Variants in KDSR observed in about 807,000 individuals in gnomAD.
KDSR encodes 3-dehydrosphinganine reductase.
KDSR carries 23 observed loss-of-function variants against 41.3 expected under a neutral mutation model. The observed-to-expected ratio is 0.56, with a 90% CI of 0.40 to 0.79. KDSR has a LOEUF of 0.79. Ranked by LOEUF, KDSR falls within the 30% of genes least tolerant of loss-of-function variation. KDSR has a pLI of 0.00. For missense variants in KDSR, 351 were observed against 416.8 expected, an observed-to-expected ratio of 0.84 and a Z score of 1.37; for synonymous variants, 138 against 151.7, an observed-to-expected ratio of 0.91 and a Z score of 0.66.
chr18:63,357,344 GA>G (rs1914824329), intron 3 of KDSR, among the ~76,000 whole-genome samples: 1 of 151,812 alleles, frequency 6.6e-6, no homozygotes, highest in Non-Finnish European at 1.5e-5. Context: ...AGAGAATACT[GA>G]AAGCTTTTCT....
intron 7 of KDSR, among the ~76,000 whole-genome samples, chr18:63,339,879 G>A (rs1432157631): frequency 1.3e-5 from 2 of 152,184 alleles, no homozygotes; most frequent in Non-Finnish European, 2.9e-5. Flanking sequence ...TACCACGTAA[G>A]CTTGAAGGAA....
intron 2 of KDSR, among the ~76,000 whole-genome samples, chr18:63,360,868 A>G (rs1914942121): frequency 7.0e-6 from 1 of 143,702 alleles, no homozygotes; most frequent in Non-Finnish European, 1.5e-5. Context: ...TGGGTGACAC[A>G]GTGAGGCCGG....
At chr18:63,364,253 G>A (rs1449072739) in intron 1 of KDSR, among the ~76,000 whole-genome samples, 1 of 151,794 alleles carries the variant, frequency 6.6e-6, no homozygotes, top group Non-Finnish European at 1.5e-5. Context: ...TTTATGACAT[G>A]CACATAATAA....
Position 63,329,105 on chromosome 18 carries a change from T to C in KDSR, c.*2677A>G, listed in dbSNP as rs115273133. On this transcript the variant is annotated 3_prime_UTR_variant, in exon 10 of 10. Transcript: ENST00000645214. The stretch of plus-strand genomic sequence containing the variant: ...AGCAGAAAAACAAGTTGTTCAAGCA[T>C]TGAACCAAAAAATATAAAAAATAGA... 4.3e-3 allele frequency: 850 copies of C among 198,680 alleles called. 9 individuals are homozygous for C. Among genetic ancestry groups the C allele is most frequent in the African/African-American group, 0.019 (808 of 43,490 alleles). 12.3% of individuals were successfully genotyped at this position (198,680 alleles called of 1,614,324 possible). A position where few individuals can be genotyped will look rare whatever the true frequency, so the allele number is the denominator to read the frequency against.
intron 5 of KDSR, 39 bp from the exon 6 acceptor site, chr18:63,351,118 C>T: frequency 6.7e-7 from 1 of 1,497,582 alleles, no homozygotes; most frequent in South Asian, 1.3e-5. Flanking sequence ...TCAAAAGCCT[C>T]AAGGCTGTGC....
chr18:63,331,033 T>C lies in KDSR; in HGVS notation c.*749A>G, dbSNP rs1259478962. 2 of 232,304 alleles carry C rather than the reference T, an allele frequency of 8.6e-6. No individual in the cohort carries two copies. The highest frequency in any genetic ancestry group is 4.4e-5 in the African/African-American group (2 of 45,284). 14.4% of individuals were successfully genotyped at this position (232,304 alleles called of 1,614,324 possible). A position where few individuals can be genotyped will look rare whatever the true frequency, so the allele number is the denominator to read the frequency against. ...GAGAAATGAAACGTTCCCTAAGCAT[T>C]TGAGTCTAAAGACAAGAAAGCATTG... On this transcript the variant is annotated 3_prime_UTR_variant, in exon 10 of 10. Transcript: ENST00000645214.
At position 63,350,920 on chromosome 18, in the gene KDSR, T is replaced by C. The variant is rs752982452; in HGVS notation, c.577A>G (p.Ile193Val). The part of the protein sequence containing the change: ...FTAYSASKFA[I>V]RGLAEALQME... Reference sequence around the variant, plus strand: ...TGCAAAGCTTCTGCCAATCCCCTTATGGCAAACTTGGATGCAGAGTAGGCT... The same window carrying C: ...TGCAAAGCTTCTGCCAATCCCCTTACGGCAAACTTGGATGCAGAGTAGGCT... Residue 193 changes from isoleucine to valine, a missense_variant, in exon 6 of 10, where the codon ATA (isoleucine) becomes GTA (valine). By Grantham distance (29) the Ile-to-Val change is conservative (BLOSUM62 3). Coordinates refer to ENST00000645214, the MANE Select transcript of KDSR (RefSeq NM_002035.4). The C allele has an allele frequency of 2.5e-6, 4 of 1,613,808 alleles. No individual in the cohort carries two copies. The highest frequency in any genetic ancestry group is 8.5e-7 in the Non-Finnish European group (1 of 1,179,870).
In KDSR at chr18:63,344,452, T is replaced by C. The variant is rs1914437625; in HGVS notation, c.651A>G (p.Pro217=). The C allele has an allele frequency of 6.2e-7, 1 of 1,614,040 alleles. No homozygotes were observed. The highest frequency in any genetic ancestry group is 8.5e-7 in the Non-Finnish European group (1 of 1,179,984). The part of the protein sequence containing the change: ...YNVYITVAYP[P]DTDTPGFAEE... ...CGGCAAAGCCAGGTGTGTCTGTGTC[T>C]GGTGGGTAAGCAACTGTGATGTAGA... Residue 217 remains proline (P), a synonymous_variant, in exon 7 of 10, where the codon CCA becomes CCG. Coordinates refer to ENST00000645214, the MANE Select transcript of KDSR (RefSeq NM_002035.4).
chr18:63,359,798 A>C lies in KDSR; in HGVS notation c.199-6T>G, dbSNP rs536482055. 2 of 1,600,230 alleles carry C rather than the reference A, an allele frequency of 1.2e-6. No individual in the cohort carries two copies. Among genetic ancestry groups the C allele is most frequent in the Non-Finnish European group, 1.7e-6 (2 of 1,168,168 alleles). ...TTTGCCTGCAGCAGCTTATCCTGAAAGCAATACAGAATAATTAGTCGTGAT... is the reference window on the plus strand; with the variant it reads ...TTTGCCTGCAGCAGCTTATCCTGAACGCAATACAGAATAATTAGTCGTGAT... On this transcript the variant is annotated splice_polypyrimidine_tract_variant and splice_region_variant and intron_variant, in intron 2 of 9. Coordinates refer to ENST00000645214, the MANE Select transcript of KDSR (RefSeq NM_002035.4).
intron 1 of KDSR, among the ~76,000 whole-genome samples, chr18:63,364,874 A>G (rs1915090905): frequency 6.6e-6 from 1 of 152,250 alleles, no homozygotes; most frequent in South Asian, 2.1e-4. Context: ...TTCATCAAAT[A>G]GCTGCATCAA....
At chr18:63,343,525 A>G (rs1433588634) in intron 7 of KDSR, among the ~76,000 whole-genome samples, 1 of 151,830 alleles carries the variant, frequency 6.6e-6, no homozygotes, top group Non-Finnish European at 1.5e-5. Flanking sequence ...AGTAGCTGGA[A>G]CTACAAGCAT....
At chr18:63,362,207 G>T (rs1404893124) in intron 2 of KDSR, among the ~76,000 whole-genome samples, 1 of 152,208 alleles carries the variant, frequency 6.6e-6, no homozygotes, top group African/African-American at 2.4e-5. Context: ...ACTGCTTTGT[G>T]CTCTAAAAAC....
At chr18:63,361,004 A>ATATATATATAT (rs1914951174) in intron 2 of KDSR, among the ~76,000 whole-genome samples, 1 of 18,592 alleles carries the variant, frequency 5.4e-5, no homozygotes, top group Non-Finnish European at 1.0e-4. Context: ...AAAAAAAAAT[A>ATATATATATAT]TATATATATA....
chr18:63,339,802 G>C (rs1196349486), intron 7 of KDSR, among the ~76,000 whole-genome samples: 1 of 152,172 alleles, frequency 6.6e-6, no homozygotes, highest in Non-Finnish European at 1.5e-5. Flanking sequence ...GTTTCAATTA[G>C]AAGTGTCAAA....
In KDSR at chr18:63,355,354, C is replaced by A. The variant is rs535462712; in HGVS notation, c.322-55G>T. The A allele has an allele frequency of 1.0e-5, 16 of 1,605,244 alleles. No homozygotes were observed. In the South Asian group the frequency reaches 1.6e-4, roughly 16 times the overall value. On this transcript the variant is annotated intron_variant, in intron 4 of 9. Coordinates refer to ENST00000645214, the MANE Select transcript of KDSR (RefSeq NM_002035.4). ...GAAACAGAGAAGAAAAACCACTCAG[C>A]AGCAAATCCATGCTGATAAATAAAA... is the stretch of plus-strand genomic sequence containing the variant.
intron 7 of KDSR, among the ~76,000 whole-genome samples, chr18:63,339,546 T>G (rs1914282181): frequency 6.6e-6 from 1 of 152,228 alleles, no homozygotes; most frequent in Non-Finnish European, 1.5e-5. Context: ...CTTAGCCTTT[T>G]CTTCCTCAAA....
Position 63,330,507 on chromosome 18 carries a change from C to T in KDSR, c.*1275G>A, listed in dbSNP as rs537886812. 78 of 231,684 alleles carry T rather than the reference C, an allele frequency of 3.4e-4. No individual in the cohort carries two copies. The highest frequency in any genetic ancestry group is 5.5e-4 in the Non-Finnish European group (65 of 117,156). The allele number at this position is 231,684 out of a possible 1,614,324, so 14.4% of individuals were successfully genotyped here. On this transcript the variant is annotated 3_prime_UTR_variant, in exon 10 of 10. Transcript: ENST00000645214. ...CAACATTCAGGGGCCAAGAGGGTTT[C>T]CAGGGCTACAGAGTTAGATGAGTGG...
At chr18:63,333,523 C>G (rs1229857168) in intron 9 of KDSR, among the ~76,000 whole-genome samples, 1 of 152,054 alleles carries the variant, frequency 6.6e-6, no homozygotes, top group African/African-American at 2.4e-5. Flanking sequence ...GGGGCCTGAG[C>G]AGGGGGTTGC....
At chr18:63,341,254 C>A (rs1275932852) in intron 7 of KDSR, among the ~76,000 whole-genome samples, 2 of 151,832 alleles carry the variant, frequency 1.3e-5, no homozygotes, top group Admixed American at 1.3e-4. Context: ...AACAAAAAAA[C>A]AAGGCTAAAC....
Sources: allele counts gnomAD v4.1 joint callset (sites outside exome capture counted in the v4.1 genomes callset), GRCh38; gene constraint gnomAD v4.1.1; transcripts MANE v1.5; gene names NCBI Gene and HGNC (gene_info 2026-07-23, HGNC 2026-07-21).